Variants in MOK observed in about 807,000 individuals in gnomAD.
The protein encoded by MOK is MOK protein kinase.
Under a neutral mutation model 54.2 loss-of-function variants are expected in MOK, and 59 were observed. The ratio of observed to expected loss-of-function variants is 1.09; its 90% CI spans 0.88 to 1.35. The LOEUF (loss-of-function observed/expected upper bound fraction) is 1.35. Among genes scored for constraint, MOK ranks in the 40% most tolerant of loss-of-function variants. The pLI, the probability that MOK is intolerant of heterozygous loss-of-function variation, is 0.00. For synonymous variants in MOK, 210 were observed against 202.7 expected (o/e 1.04, Z -0.31); for missense variants, 517 against 526.2 (o/e 0.98, Z 0.17).
chr14:102,239,266 A>C (rs1483502611), intron 7 of MOK, among the ~76,000 whole-genome samples: 1 of 151,422 alleles, frequency 6.6e-6, no homozygotes, highest in African/African-American at 2.4e-5. Context: ...TCACTCTAGA[A>C]GTCCAGAGGC....
At chr14:102,279,034 C>T (rs1400431811) in intron 2 of MOK, among the ~76,000 whole-genome samples, 1 of 152,142 alleles carries the variant, frequency 6.6e-6, no homozygotes, top group Non-Finnish European at 1.5e-5. Flanking sequence ...GAAACAGAGG[C>T]ACGGAGAAAT....
chr14:102,253,593 G>A (rs923453919), intron 4 of MOK, among the ~76,000 whole-genome samples: 3 of 152,160 alleles, frequency 2.0e-5, no homozygotes, highest in Non-Finnish European at 4.4e-5. Flanking sequence ...GCCGTTTAGC[G>A]TGGCTGGCAC....
At chr14:102,274,329 AC>A (rs1388299787) in intron 2 of MOK, among the ~76,000 whole-genome samples, 1 of 147,678 alleles carries the variant, frequency 6.8e-6, no homozygotes, top group African/African-American at 2.5e-5. Flanking sequence ...ATCTTGGCTC[AC>A]TGAAGCCTCC....
intron 1 of MOK, among the ~76,000 whole-genome samples, chr14:102,295,677 A>G (rs1320942516): frequency 1.3e-5 from 2 of 152,242 alleles, no homozygotes; most frequent in Non-Finnish European, 2.9e-5. Context: ...GCTGTACACA[A>G]TTAATTATTT....
chr14:102,240,977 A>G lies in MOK; in HGVS notation c.591-7188T>C, dbSNP rs749311587. ...AAACCTAAGTGTCTTCGCCAACACC[A>G]CTTGGCCCCAATACAAACTCGATAA... On this transcript the variant is annotated intron_variant, in intron 7 of 11. Transcript: ENST00000361847. This position sits in a 1 kb window ranked among gnomAD's most constrained non-coding sequence, Gnocchi z 5.4. Among the ~76,000 whole-genome samples the G allele has an allele frequency of 6.6e-6, 1 of 152,124 alleles. No homozygotes were observed. Among genetic ancestry groups the G allele is most frequent in the Admixed American group, 6.5e-5 (1 of 15,278 alleles).
chr14:102,301,671 A>C (rs2072217714), intron 1 of MOK, among the ~76,000 whole-genome samples: 1 of 152,190 alleles, frequency 6.6e-6, no homozygotes, highest in Admixed American at 6.6e-5. Flanking sequence ...TAAATCATTT[A>C]TTTAATGATC....
rs1288849719 is a variant in MOK, at chr14:102,236,750, C to T, written c.591-2961G>A. ...CCAGTTAAAAGACCTCTCTAAATTT[C>T]CCAGCATCCCCAAAAACCCTATCTC... is the stretch of plus-strand genomic sequence containing the variant. On this transcript the variant is annotated intron_variant, in intron 7 of 11. Coordinates refer to ENST00000361847, the MANE Select transcript of MOK (RefSeq NM_014226.3). The surrounding 1 kb of genome is among the most constrained non-coding windows in gnomAD (Gnocchi z 4.5). 6.6e-6 allele frequency among the ~76,000 whole-genome samples: 1 copy of T among 152,128 alleles called. No individual in the cohort carries two copies. Among genetic ancestry groups the T allele is most frequent in the Non-Finnish European group, 1.5e-5 (1 of 68,022 alleles).
At chr14:102,302,087 CTTTT>C (rs1165298757) in intron 1 of MOK, among the ~76,000 whole-genome samples, 2 of 125,324 alleles carry the variant, frequency 1.6e-5, no homozygotes, top group Admixed American at 8.2e-5. Context: ...CACACATATA[CTTTT>C]TTTTTTTTTT....
chr14:102,224,037 ATTTTTT>A (rs533802492), downstream of MOK, among the ~76,000 whole-genome samples: 640 of 123,130 alleles, frequency 5.2e-3, 5 homozygotes, highest in African/African-American at 0.018. Context: ...TTTACCTGAG[ATTTTTT>A]TTTTTTTTTT....
downstream of MOK, chr14:102,222,942 G>C: frequency 6.2e-7 from 1 of 1,605,706 alleles, no homozygotes; most frequent in African/African-American, 1.3e-5. This position sits in a 1 kb window ranked among gnomAD's most constrained non-coding sequence, Gnocchi z 4.4. Flanking sequence ...GTGACGAGGA[G>C]GAGCTCCGAG....
rs569165491 is a variant in MOK, at chr14:102,288,897, CTTTGTTTTGT to C, written c.8-5315_8-5306del. Among the ~76,000 whole-genome samples, 220 of 152,096 alleles carry C rather than the reference CTTTGTTTTGT, an allele frequency of 1.4e-3. 1 individual carries two copies. Among genetic ancestry groups the C allele is most frequent in the Middle Eastern group, 3.4e-3 (1 of 294 alleles). On this transcript the variant is annotated intron_variant, in intron 1 of 11. Coordinates refer to ENST00000361847, the MANE Select transcript of MOK (RefSeq NM_014226.3). ...CTTGTATACTTAAATGTAAGTGCAG[CTTTGTTTTGT>C]TTTGTTTTGTTTTGAGACAGGGTCT...
chr14:102,295,345 T>C (rs920783405), intron 1 of MOK, among the ~76,000 whole-genome samples: 5 of 152,256 alleles, frequency 3.3e-5, no homozygotes, highest in African/African-American at 1.2e-4. Context: ...TTTGTTGAAG[T>C]GGAATTTAAG....
intron 4 of MOK, among the ~76,000 whole-genome samples, chr14:102,256,123 G>C (rs1329016283): frequency 3.3e-5 from 5 of 151,210 alleles, no homozygotes; most frequent in Admixed American, 3.3e-4. Context: ...TTTTGAGACA[G>C]GGTCTCACTC....
the MOK span, among the ~76,000 whole-genome samples, chr14:102,215,219 A>C: frequency 6.6e-6 from 1 of 152,190 alleles, no homozygotes; most frequent in African/African-American, 2.4e-5. Flanking sequence ...ATACTGTTTT[A>C]TGTGGTCCTC....
intron 1 of MOK, among the ~76,000 whole-genome samples, chr14:102,302,283 G>A (rs1441892501): frequency 1.3e-5 from 2 of 150,250 alleles, no homozygotes; most frequent in East Asian, 1.9e-4. Context: ...ATGTTGACCA[G>A]GCTGGTCTCG....
At chr14:102,225,246 A>G, downstream of MOK, 1 of 176,110 alleles carries the variant, frequency 5.7e-6, no homozygotes, top group Non-Finnish European at 1.2e-5. Context: ...TATTTTGTAG[A>G]GATGGGGTCT....
chr14:102,254,135 C>T (rs2066746295), intron 4 of MOK, among the ~76,000 whole-genome samples: 4 of 152,108 alleles, frequency 2.6e-5, no homozygotes, highest in Admixed American at 6.5e-5. Context: ...CAGGCACCCG[C>T]CACCACTACA....
chr14:102,228,564 G>A (rs1457867385), downstream of MOK, among the ~76,000 whole-genome samples: 1 of 152,010 alleles, frequency 6.6e-6, no homozygotes, highest in East Asian at 1.9e-4. Context: ...GCCGGGCGTG[G>A]TGGTGCATGC....
intron 3 of MOK, chr14:102,264,277 A>T (rs1162451569): frequency 6.6e-6 from 1 of 152,650 alleles, no homozygotes; most frequent in African/African-American, 2.4e-5. Flanking sequence ...TGCAAATTTA[A>T]TTTTAATTTA....
Sources: gnomAD v4.1 joint callset for allele counts (sites outside exome capture counted in the v4.1 genomes callset) on GRCh38, gnomAD v4.1.1 for gene constraint, Gnocchi (gnomAD v3.1) non-coding constraint, MANE v1.5 for transcripts, NCBI Gene and HGNC (gene_info 2026-07-23, HGNC 2026-07-21) for gene names.